SEC23IP: variants seen among roughly 807,000 people sequenced by gnomAD.
SEC23IP encodes SEC23-interacting protein.
In SEC23IP, 70 loss-of-function variants were observed where a neutral mutation model predicts 113.4. The ratio of observed to expected loss-of-function variants is 0.62; its 90% CI spans 0.51 to 0.75. SEC23IP has a LOEUF of 0.75. Among genes scored for constraint, SEC23IP ranks in the 30% least tolerant of loss-of-function variants. SEC23IP has a pLI of 0.00. For synonymous variants in SEC23IP, 398 were observed against 421.0 expected (o/e 0.95, Z 0.67); for missense variants, 1,160 against 1,204.9 (o/e 0.96, Z 0.55).
rs1307497741 is a variant in SEC23IP, at chr10:119,912,129, G to A, written c.1277G>A (p.Arg426His). Residue 426 changes from arginine to histidine, a missense_variant, in exon 6 of 19, where the codon CGT (arginine) becomes CAT (histidine). Coordinates refer to ENST00000369075, the MANE Select transcript of SEC23IP (RefSeq NM_007190.4). The part of the protein sequence containing the change: ...DGQTRPRVVK[R>H]GIDDNLDEIP... ...CAGACAAGGCCCAGGGTTGTAAAGC[G>A]TGGAATTGATGATAACCTTGATGAA... 3.0e-5 allele frequency: 49 copies of A among 1,613,984 alleles called. No individual in the cohort carries two copies. Among genetic ancestry groups the A allele is most frequent in the Admixed American group, 2.7e-4 (16 of 60,006 alleles).
chr10:119,917,858 C>G lies in SEC23IP; in HGVS notation c.1567C>G (p.Pro523Ala), dbSNP rs1855104658. 6.2e-7 allele frequency: 1 copy of G among 1,613,646 alleles called. No individual in the cohort carries two copies. The highest frequency in any genetic ancestry group is 8.5e-7 in the Non-Finnish European group (1 of 1,179,802). ...CAGGAATATTAAGAAAATCACTTTGCCAAGTATTGGTCGATTTCGTCACTT... is the reference window on the plus strand; with the variant it reads ...CAGGAATATTAAGAAAATCACTTTGGCAAGTATTGGTCGATTTCGTCACTT... ...VDRNIKKITL[P>A]SIGRFRHFTN... The change falls in exon 9 of 19, where the codon CCA becomes GCA. Residue 523 changes from proline to alanine, a missense_variant. Coordinates refer to ENST00000369075, the MANE Select transcript of SEC23IP (RefSeq NM_007190.4).
chr10:119,906,579 T>G (rs1305315094), intron 4 of SEC23IP, among the ~76,000 whole-genome samples: 1 of 151,686 alleles, frequency 6.6e-6, no homozygotes, highest in East Asian at 2.0e-4. Context: ...GTGAAAATAA[T>G]TTATTTATTT....
chr10:119,913,737 G>A (rs1023665967), intron 6 of SEC23IP, among the ~76,000 whole-genome samples: 1 of 151,752 alleles, frequency 6.6e-6, no homozygotes, highest in African/African-American at 2.4e-5. Context: ...AGTGATCCAC[G>A]TGCCTCGGCC....
Position 119,919,184 on chromosome 10 carries a change from G to A in SEC23IP, c.1873-260G>A, listed in dbSNP as rs773858373. Reference sequence around the variant, plus strand: ...AATTTTTGTGTTTTTAGTAGAGACAGGGTTTCATCATGTTGGCCAGGCTGG... The same window carrying A: ...AATTTTTGTGTTTTTAGTAGAGACAAGGTTTCATCATGTTGGCCAGGCTGG... On this transcript the variant is annotated intron_variant, in intron 10 of 18. Coordinates refer to ENST00000369075, the MANE Select transcript of SEC23IP (RefSeq NM_007190.4). Among the ~76,000 whole-genome samples, 39 of 151,810 alleles carry A rather than the reference G, an allele frequency of 2.6e-4. 1 individual carries two copies. Among genetic ancestry groups the A allele is most frequent in the Admixed American group, 9.2e-4 (14 of 15,222 alleles).
intron 1 of SEC23IP, among the ~76,000 whole-genome samples, chr10:119,893,866 T>A (rs1854185811): frequency 1.3e-5 from 2 of 152,196 alleles, no homozygotes; most frequent in African/African-American, 4.8e-5. Context: ...CTGTTTCTTG[T>A]TCTCTTAGGC....
chr10:119,924,256 G>A (rs1271968292), intron 12 of SEC23IP, among the ~76,000 whole-genome samples: 2 of 152,130 alleles, frequency 1.3e-5, no homozygotes, highest in African/African-American at 4.8e-5. Flanking sequence ...TGGTTGTTTA[G>A]GCACTGTCGA....
intron 12 of SEC23IP, among the ~76,000 whole-genome samples, chr10:119,924,349 T>C (rs1447406995): frequency 2.0e-5 from 3 of 152,176 alleles, no homozygotes; most frequent in African/African-American, 7.2e-5. Context: ...ATTTCTCTGA[T>C]GTTATTGTTG....
At chr10:119,893,348 CTG>C (rs1385061505) in intron 1 of SEC23IP, among the ~76,000 whole-genome samples, 1 of 151,994 alleles carries the variant, frequency 6.6e-6, no homozygotes, top group Non-Finnish European at 1.5e-5. Flanking sequence ...CTAGGATGGA[CTG>C]TGCCCCTCTC....
chr10:119,918,398 T>A lies in SEC23IP; in HGVS notation c.1759T>A (p.Leu587Ile). The A allele has an allele frequency of 6.3e-7, 1 of 1,583,810 alleles. No individual in the cohort carries two copies. The highest frequency in any genetic ancestry group is 8.7e-7 in the Non-Finnish European group (1 of 1,153,228). ...VSVAGHSLGS[L>I]ILFDILSNQK... The stretch of plus-strand genomic sequence containing the variant: ...AAAATGTTTCTTTTTCATAGGTTCT[T>A]TAATATTGTTTGACATCCTGTCTAA... Residue 587 changes from leucine to isoleucine, a missense_variant, in exon 10 of 19, where the codon TTA becomes ATA. Coordinates refer to ENST00000369075, the MANE Select transcript of SEC23IP (RefSeq NM_007190.4).
At position 119,902,832 on chromosome 10, in the gene SEC23IP, C is replaced by T; in HGVS notation, c.730C>T (p.Gln244Ter). The T allele has an allele frequency of 6.2e-7, 1 of 1,614,216 alleles. No homozygotes were observed. The highest frequency in any genetic ancestry group is 1.1e-5 in the South Asian group (1 of 91,086). The change falls in exon 3 of 19, where the codon CAG (glutamine) becomes TAG (stop). Residue 244 changes from glutamine to a stop codon, truncating the protein, a stop_gained. Transcript: ENST00000369075. LOFTEE classifies it high-confidence loss of function. ...TTCAGTGCAGTCACCGGCACAGCAG[C>T]AGGTACCTGCCAGACCTGGGGCTCC... ...PSSVQSPAQQ[Q>*]VPARPGAPSV...
intron 11 of SEC23IP, among the ~76,000 whole-genome samples, chr10:119,919,822 G>T (rs74157697): frequency 0.11 from 16,415 of 152,100 alleles, 930 homozygotes; most frequent in South Asian, 0.17. Flanking sequence ...TATAACAGTA[G>T]ACACCATAAA....
Position 119,892,821 on chromosome 10 carries a change from C to G in SEC23IP, c.39C>G (p.Ala13=), listed in dbSNP as rs200080021. The G allele has an allele frequency of 6.8e-6, 11 of 1,612,960 alleles. No homozygotes were observed. The highest frequency in any genetic ancestry group is 8.5e-6 in the Non-Finnish European group (10 of 1,179,736). The change falls in exon 1 of 19, where the codon GCC becomes GCG. Residue 13 remains alanine, a synonymous_variant. Transcript: ENST00000369075. The part of the protein sequence containing the change: ...ERKPNGGSGG[A]STSSSGTNLL... Reference sequence around the variant, plus strand: ...AACCTAACGGTGGCAGCGGCGGCGCCTCCACTTCCTCATCGGGCACTAACT... The same window carrying G: ...AACCTAACGGTGGCAGCGGCGGCGCGTCCACTTCCTCATCGGGCACTAACT...
rs1034189391 is a variant in SEC23IP, at chr10:119,893,003, A to C, written c.163+58A>C. 24 of 1,556,100 alleles carry C rather than the reference A, an allele frequency of 1.5e-5. No homozygotes were observed. The Admixed American group carries it at 2.1e-4, about 13-fold the overall frequency. On this transcript the variant is annotated intron_variant, in intron 1 of 18. Transcript: ENST00000369075. The stretch of plus-strand genomic sequence containing the variant: ...GGAGGCGGGCGGGGGACGTGCAATG[A>C]CAAAGGTCAGACGGGAGTTTTTCCT...
Position 119,932,248 on chromosome 10 carries a change from C to G in SEC23IP, c.2688C>G (p.Thr896=). The change falls in exon 16 of 19, where the codon ACC becomes ACG. Residue 896 remains threonine, a synonymous_variant. Coordinates refer to ENST00000369075, the MANE Select transcript of SEC23IP (RefSeq NM_007190.4). ...TTGCCCGTGCTCATACGTCTTCAACCCAGTTGCAAGAAGAATTGGAGAAGG... is the reference window on the plus strand; with the variant it reads ...TTGCCCGTGCTCATACGTCTTCAACGCAGTTGCAAGAAGAATTGGAGAAGG... ...NEFARAHTSS[T]QLQEELEKVA... is the part of the protein sequence containing the mutation. 6.2e-7 allele frequency: 1 copy of G among 1,613,848 alleles called. No individual in the cohort carries two copies. The highest frequency in any genetic ancestry group is 8.5e-7 in the Non-Finnish European group (1 of 1,179,854).
intron 8 of SEC23IP, 138 bp downstream of exon 8, chr10:119,916,027 T>C (rs1224259706): frequency 1.2e-5 from 8 of 677,976 alleles, no homozygotes; most frequent in Non-Finnish European, 1.5e-5. Context: ...TAATTAAATA[T>C]TGGCTGTAAA....
chr10:119,914,767 G>A lies in SEC23IP; in HGVS notation c.1350G>A (p.Val450=), dbSNP rs770734194. The change falls in exon 7 of 19, where the codon GTG becomes GTA. Residue 450 remains valine, a synonymous_variant. Transcript: ENST00000369075. ...AAGTTGACCATTTGGTGTTTGTGGT[G>A]CATGGCATTGGACCTGTGTGTGACT... The part of the protein sequence containing the change: ...MPQVDHLVFV[V]HGIGPVCDLR... 5.0e-6 allele frequency: 8 copies of A among 1,614,162 alleles called. No homozygotes were observed. The highest frequency in any genetic ancestry group is 1.6e-4 in the Middle Eastern group (1 of 6,062).
chr10:119,897,142 TGTGA>T (rs1564902773), intron 1 of SEC23IP, among the ~76,000 whole-genome samples: 1 of 152,188 alleles, frequency 6.6e-6, no homozygotes, highest in Non-Finnish European at 1.5e-5. Flanking sequence ...GCCTGTGTGC[TGTGA>T]GTGAGTCCAG....
chr10:119,930,503 C>T, intron 15 of SEC23IP, 72 bp downstream of exon 15: 2 of 839,036 alleles, frequency 2.4e-6, no homozygotes, highest in South Asian at 3.2e-5. Context: ...AAAATTTTGA[C>T]ACTAAATCGT....
At chr10:119,895,608 T>C (rs1854255290) in intron 1 of SEC23IP, among the ~76,000 whole-genome samples, 1 of 152,116 alleles carries the variant, frequency 6.6e-6, no homozygotes, top group Admixed American at 6.5e-5. Context: ...AGCCGGGGAA[T>C]GGATGTCCCT....
Sources: allele counts gnomAD v4.1 joint callset (sites outside exome capture counted in the v4.1 genomes callset), GRCh38; gene constraint gnomAD v4.1.1; transcripts MANE v1.5; gene names NCBI Gene and HGNC (gene_info 2026-07-23, HGNC 2026-07-21).